The following PKD1L1 variants were observed in gnomAD, a reference collection of about 807,000 sequenced individuals.
PKD1L1 encodes polycystin-1-like protein 1.
A neutral mutation model predicts 323.4 loss-of-function variants in PKD1L1; 236 were observed. The observed-to-expected ratio is 0.73, with a 90% CI of 0.66 to 0.81. PKD1L1 has a LOEUF of 0.81. Among genes scored for constraint, PKD1L1 ranks in the 40% least tolerant of loss-of-function variants. The probability of loss-of-function intolerance (pLI) is 0.00; values close to 1 mark genes in which losing one functional copy is unlikely to be tolerated. For synonymous variants in PKD1L1, 1,344 were observed against 1,335.0 expected (o/e 1.01, Z -0.15); for missense variants, 3,320 against 3,508.0 (o/e 0.95, Z 1.35).
rs1784937052 is a variant in PKD1L1, at chr7:47,813,110, A to T, written c.7346+11T>A. 1.2e-6 allele frequency: 2 copies of T among 1,609,514 alleles called. No homozygotes were observed. The highest frequency in any genetic ancestry group is 2.2e-5 in the South Asian group (2 of 90,838). ...GGCAGGATGAGCCCCGGCCCTTCGA[A>T]TCTCACTGACCTTGTTCTGCCCAGG... On this transcript the variant is annotated intron_variant, in intron 49 of 56. Coordinates refer to ENST00000289672, the MANE Select transcript of PKD1L1 (RefSeq NM_138295.5).
At position 47,830,076 on chromosome 7, in the gene PKD1L1, G is replaced by A. The variant is rs371732307; in HGVS notation, c.6522C>T (p.Ser2174=). The change falls in exon 43 of 57, where the codon TCC becomes TCT. Residue 2174 remains serine (S), a synonymous_variant. Coordinates refer to ENST00000289672, the MANE Select transcript of PKD1L1 (RefSeq NM_138295.5). ...CVQWLHLLSL[S]VVCCIFITQP... is the part of the protein sequence containing the mutation. ...GGGTGATGAAAATACAGCAGACCAC[G>A]GAGAGGGACAGCAGGTGCAGCCACT... 88 of 1,614,032 alleles carry A rather than the reference G, an allele frequency of 5.5e-5. No individual in the cohort carries two copies. Among genetic ancestry groups the A allele is most frequent in the Non-Finnish European group, 6.8e-5 (80 of 1,180,048 alleles).
rs754776382 is a variant in PKD1L1, at chr7:47,890,710, G to T, written c.2507C>A (p.Ser836Tyr). 1 of 1,613,380 alleles carries T rather than the reference G, an allele frequency of 6.2e-7. No individual in the cohort carries two copies. Among genetic ancestry groups the T allele is most frequent in the African/African-American group, 1.3e-5 (1 of 74,892 alleles). The change falls in exon 16 of 57, where the codon TCC becomes TAC. Residue 836 changes from serine (S) to tyrosine (Y), a missense_variant. Physicochemically the swap from Ser to Tyr is moderately radical, Grantham distance 144 (BLOSUM62 -2). Transcript: ENST00000289672. ...AGSPAHPCFD[S>Y]STAHQLDAAA... ...GGCATCCAGTTGGTGTGCAGTGGAG[G>T]AGTCGAAGCAGGGATGTGCTGGGGA...
chr7:47,800,978 G>A (rs2128726034), intron 53 of PKD1L1, 99 bp from the exon 54 acceptor site: 1 of 1,061,338 alleles, frequency 9.4e-7, no homozygotes, highest in East Asian at 2.6e-5. Flanking sequence ...AACTTGGAGG[G>A]GCAGTTTTGG....
chr7:47,852,095 C>T (rs944634812), intron 31 of PKD1L1, among the ~76,000 whole-genome samples: 1 of 152,064 alleles, frequency 6.6e-6, no homozygotes, highest in Non-Finnish European at 1.5e-5. Context: ...TTTAAGTATT[C>T]AGGGGTGGTA....
In PKD1L1 at chr7:47,943,179, T is replaced by A. The variant is rs1439691259; in HGVS notation, c.160+217A>T. 8.0e-4 allele frequency among the ~76,000 whole-genome samples: 78 copies of A among 97,576 alleles called. 1 individual carries two copies. Among genetic ancestry groups the A allele is most frequent in the African/African-American group, 4.3e-3 (74 of 17,358 alleles). The allele number at this position is 97,576 out of a possible 152,430, so 64.0% of individuals were successfully genotyped here. On this transcript the variant is annotated intron_variant, in intron 2 of 56. Transcript: ENST00000289672. ...AAAAAAAAAAATATATATATATATA[T>A]ATATATATATATATATATGTGTGTG...
intron 24 of PKD1L1, among the ~76,000 whole-genome samples, chr7:47,869,262 C>A (rs1040233730): frequency 6.6e-6 from 1 of 151,964 alleles, no homozygotes; most frequent in Non-Finnish European, 1.5e-5. Context: ...TCCATCCAAC[C>A]ACATCAATAA....
intron 40 of PKD1L1, among the ~76,000 whole-genome samples, chr7:47,834,104 A>G (rs1165700483): frequency 1.3e-5 from 2 of 151,344 alleles, no homozygotes; most frequent in Non-Finnish European, 2.9e-5. Context: ...CTTCTTTCTG[A>G]CCCACCTGGA....
intron 6 of PKD1L1, among the ~76,000 whole-genome samples, chr7:47,930,566 C>A (rs1278366833): frequency 6.6e-6 from 1 of 151,866 alleles, no homozygotes; most frequent in Non-Finnish European, 1.5e-5. Context: ...GCCTGAATCC[C>A]AGCACTTTGG....
rs143429847 is a variant in PKD1L1, at chr7:47,893,898, G to C, written c.2433C>G (p.Asp811Glu). Reference sequence around the variant, plus strand: ...CTCACCTGAGAGTCGCCCCAGGGTCGTCAGGGTCGAAGGACTGGGTCCCTC... The same window carrying C: ...CTCACCTGAGAGTCGCCCCAGGGTCCTCAGGGTCGAAGGACTGGGTCCCTC... Reference protein sequence around the residue: ...VLRGTQSFDPDDPGATLRYHW... With the variant: ...VLRGTQSFDPEDPGATLRYHW... The change falls in exon 15 of 57, where the codon GAC (aspartate) becomes GAG (glutamate). Residue 811 changes from aspartate (D) to glutamate (E), a missense_variant. Coordinates refer to ENST00000289672, the MANE Select transcript of PKD1L1 (RefSeq NM_138295.5). 4.3e-6 allele frequency: 7 copies of C among 1,613,692 alleles called. No individual in the cohort carries two copies. Among genetic ancestry groups the C allele is most frequent in the South Asian group, 1.1e-5 (1 of 91,036 alleles).
chr7:47,900,797 T>C (rs77701409), intron 13 of PKD1L1, among the ~76,000 whole-genome samples: 2,236 of 152,290 alleles, frequency 0.015, 50 homozygotes, highest in African/African-American at 0.051. Context: ...GGACATTATA[T>C]AGTGATGTAT....
In PKD1L1 at chr7:47,839,584, G is replaced by C; in HGVS notation, c.5631C>G (p.Ile1877Met). 6.2e-7 allele frequency: 1 copy of C among 1,601,556 alleles called. No homozygotes were observed. The highest frequency in any genetic ancestry group is 1.7e-4 in the Middle Eastern group (1 of 6,054). ...DSRGPSPGWF[I>M]SHVMVKELHT... Reference sequence around the variant, plus strand: ...GCAGCTCCTTCACCATCACGTGGCTGATGAACCAGCCTGGGGAAGGCCCAC... The same window carrying C: ...GCAGCTCCTTCACCATCACGTGGCTCATGAACCAGCCTGGGGAAGGCCCAC... The change falls in exon 36 of 57, where the codon ATC becomes ATG. Residue 1877 changes from isoleucine (I) to methionine (M), a missense_variant. Physicochemically the swap from Ile to Met is conservative, Grantham distance 10. Coordinates refer to ENST00000289672, the MANE Select transcript of PKD1L1 (RefSeq NM_138295.5). The surrounding 1 kb of genome is among the most constrained non-coding windows in gnomAD (Gnocchi z 4.3).
Position 47,843,848 on chromosome 7 carries a change from C to G in PKD1L1, c.5238-679G>C, listed in dbSNP as rs535609729. On this transcript the variant is annotated intron_variant, in intron 33 of 56. Coordinates refer to ENST00000289672, the MANE Select transcript of PKD1L1 (RefSeq NM_138295.5). ...GGTGGGCACCAGGGTCTATGTCACA[C>G]GGGGATGTTGCCCGCCCCATCCCCT... 4.6e-5 allele frequency among the ~76,000 whole-genome samples: 7 copies of G among 152,280 alleles called. 1 individual carries two copies. Among genetic ancestry groups the G allele is most frequent in the Admixed American group, 3.3e-4 (5 of 15,300 alleles).
At chr7:47,904,827 A>C (rs1346094903) in intron 11 of PKD1L1, among the ~76,000 whole-genome samples, 1 of 152,096 alleles carries the variant, frequency 6.6e-6, no homozygotes, top group African/African-American at 2.4e-5. Flanking sequence ...TTCATTATTT[A>C]ATTCATTTCT....
chr7:47,843,100 A>G lies in PKD1L1; in HGVS notation c.5307T>C (p.Ala1769=). Residue 1769 remains alanine, a synonymous_variant, in exon 34 of 57, where the codon GCT becomes GCC. Coordinates refer to ENST00000289672, the MANE Select transcript of PKD1L1 (RefSeq NM_138295.5). ...GSVILYGFLV[A]KSRQVDHHEK... is the part of the protein sequence containing the mutation. ...CATGATGATCTACTTGTCTACTTTT[A>G]GCGACCAAAAATCCATAAAGAATCA... is the stretch of plus-strand genomic sequence containing the variant. 6.2e-7 allele frequency: 1 copy of G among 1,613,866 alleles called. No homozygotes were observed.
intron 7 of PKD1L1, 135 bp downstream of exon 7, chr7:47,929,069 T>C (rs1787709514): frequency 2.2e-6 from 2 of 892,428 alleles, no homozygotes; most frequent in South Asian, 3.5e-5. Flanking sequence ...TGAGCTACTA[T>C]TCTTGGAGCC....
chr7:47,857,921 T>C, intron 27 of PKD1L1, 89 bp from the exon 28 acceptor site: 1 of 1,265,430 alleles, frequency 7.9e-7, no homozygotes, highest in Non-Finnish European at 1.1e-6. Context: ...GGAAAAGTAG[T>C]TAAAAAGCCC....
At chr7:47,880,662 G>A in intron 21 of PKD1L1, 66 bp downstream of exon 21, 2 of 1,314,700 alleles carry the variant, frequency 1.5e-6, no homozygotes, top group Non-Finnish European at 2.1e-6. Context: ...CTTAGGAAGA[G>A]TAAACTCACA....
At chr7:47,898,258 T>C in intron 13 of PKD1L1, 64 bp from the exon 14 acceptor site, 1 of 1,344,452 alleles carries the variant, frequency 7.4e-7, no homozygotes, top group Admixed American at 1.9e-5. Flanking sequence ...ACTGGTAAAT[T>C]ACTAGAAACT....
intron 2 of PKD1L1, among the ~76,000 whole-genome samples, chr7:47,940,639 C>G (rs928925677): frequency 8.5e-5 from 13 of 152,196 alleles, no homozygotes; most frequent in African/African-American, 3.1e-4. Flanking sequence ...GGTCAAAGGT[C>G]CTGCTCAGGG....
Sources: gnomAD v4.1 joint callset for allele counts (sites outside exome capture counted in the v4.1 genomes callset) on GRCh38, gnomAD v4.1.1 for gene constraint, Gnocchi (gnomAD v3.1) non-coding constraint, MANE v1.5 for transcripts, NCBI Gene and HGNC (gene_info 2026-07-23, HGNC 2026-07-21) for gene names.